The following TMEM132D variants were observed in gnomAD, a reference collection of about 807,000 sequenced individuals.
TMEM132D encodes the protein mature OL transmembrane protein.
A neutral mutation model predicts 62.3 loss-of-function variants in TMEM132D; 21 were observed. The observed-to-expected ratio is 0.34, with a 90% confidence interval of 0.24 to 0.49. The LOEUF (loss-of-function observed/expected upper bound fraction) is 0.49. Among genes scored for constraint, TMEM132D ranks in the 20% least tolerant of loss-of-function variants. The pLI, the probability that TMEM132D is intolerant of heterozygous loss-of-function variation, is 0.99. For missense variants in TMEM132D, 1,346 were observed against 1,402.8 expected (o/e 0.96, Z 0.65); for synonymous variants, 621 against 575.6 (o/e 1.08, Z -1.13).
At chr12:129,736,040 C>A (rs903107903) in intron 1 of TMEM132D, among the ~76,000 whole-genome samples, 1 of 152,218 alleles carries the variant, frequency 6.6e-6, no homozygotes, top group Non-Finnish European at 1.5e-5. Context: ...TTGCTTCCCC[C>A]TCCCTCTCCC....
intron 2 of TMEM132D, among the ~76,000 whole-genome samples, chr12:129,654,291 T>A (rs1593106787): frequency 2.3e-5 from 1 of 42,854 alleles, no homozygotes; most frequent in African/African-American, 5.9e-5. Flanking sequence ...TGTGTGTGTG[T>A]GTGTGAGTGT....
chr12:129,794,253 ATT>A (rs3046861), intron 1 of TMEM132D, among the ~76,000 whole-genome samples: 24,570 of 111,312 alleles, frequency 0.22, 2,144 homozygotes, highest in East Asian at 0.34. Flanking sequence ...CATGCCCAGC[ATT>A]TTTTTTTTTT....
intron 4 of TMEM132D, among the ~76,000 whole-genome samples, chr12:129,305,262 G>C (rs1420617309): frequency 4.7e-5 from 7 of 150,078 alleles, no homozygotes; most frequent in Non-Finnish European, 1.0e-4. Flanking sequence ...CAGAAAGCTG[G>C]AGAAAGAAAT....
intron 4 of TMEM132D, among the ~76,000 whole-genome samples, chr12:129,296,738 C>G (rs1423699948): frequency 6.6e-6 from 1 of 152,172 alleles, no homozygotes; most frequent in East Asian, 1.9e-4. Flanking sequence ...CTGAAGCCAG[C>G]AAAGGTTATG....
chr12:129,839,445 T>C (rs1354790934), intron 1 of TMEM132D, among the ~76,000 whole-genome samples: 8 of 151,620 alleles, frequency 5.3e-5, no homozygotes, highest in Non-Finnish European at 4.4e-5. Context: ...GTATTTTTAG[T>C]AGAGACAGGG....
rs540249146 is a variant in TMEM132D at position 129,651,349 on chromosome 12, A to G, written c.968+48461T>C. Reference sequence around the variant, plus strand: ...GGAATTGTATGAAAAGCATTGCACCAGTGCTTTTCAATTTATTTTTAACCT... The same window carrying G: ...GGAATTGTATGAAAAGCATTGCACCGGTGCTTTTCAATTTATTTTTAACCT... On this transcript the variant is annotated intron_variant, in intron 2 of 8. Coordinates refer to ENST00000422113, the MANE Select transcript of TMEM132D (RefSeq NM_133448.3). 6.3e-4 allele frequency among the ~76,000 whole-genome samples: 96 copies of G among 152,334 alleles called. No homozygotes were observed. The South Asian group carries it at 0.019, about 31-fold the overall frequency.
At chr12:129,588,074 T>C (rs532652464) in intron 2 of TMEM132D, among the ~76,000 whole-genome samples, 115 of 152,334 alleles carry the variant, frequency 7.5e-4, no homozygotes, top group Non-Finnish European at 1.3e-3. Flanking sequence ...TCAGACAACT[T>C]GCCTTATTAG....
intron 1 of TMEM132D, among the ~76,000 whole-genome samples, chr12:129,813,968 A>T (rs1872269859): frequency 6.6e-6 from 1 of 152,182 alleles, no homozygotes; most frequent in Non-Finnish European, 1.5e-5. Flanking sequence ...CAATGAACAG[A>T]TTTAACAAGA....
intron 1 of TMEM132D, among the ~76,000 whole-genome samples, chr12:129,725,061 GA>G (rs1868983036): frequency 6.6e-6 from 1 of 152,194 alleles, no homozygotes; most frequent in Non-Finnish European, 1.5e-5. Flanking sequence ...AGTAAGCACA[GA>G]ATCCACATTT....
At chr12:129,334,072 G>T (rs1869199911) in intron 4 of TMEM132D, among the ~76,000 whole-genome samples, 1 of 152,046 alleles carries the variant, frequency 6.6e-6, no homozygotes, top group Admixed American at 6.6e-5. Flanking sequence ...AATGAGCTGA[G>T]ATCACGCCAC....
intron 2 of TMEM132D, among the ~76,000 whole-genome samples, chr12:129,556,095 C>T (rs762320784): frequency 8.5e-5 from 13 of 152,154 alleles, no homozygotes; most frequent in Non-Finnish European, 1.6e-4. Flanking sequence ...ATGGAACAGG[C>T]CACAGGGTGC....
intron 1 of TMEM132D, among the ~76,000 whole-genome samples, chr12:129,831,995 G>A (rs1025484418): frequency 5.5e-5 from 8 of 144,884 alleles, no homozygotes; most frequent in Non-Finnish European, 1.0e-4. Context: ...TCAGCCTCCC[G>A]AGTAGCTGGG....
At chr12:129,820,941 A>G (rs988025990) in intron 1 of TMEM132D, among the ~76,000 whole-genome samples, 2 of 152,120 alleles carry the variant, frequency 1.3e-5, no homozygotes, top group African/African-American at 4.8e-5. Flanking sequence ...GGCTCAAACC[A>G]AGTGCTGATG....
At chr12:129,528,626 C>T (rs943241357) in intron 3 of TMEM132D, among the ~76,000 whole-genome samples, 1 of 152,216 alleles carries the variant, frequency 6.6e-6, no homozygotes, top group Non-Finnish European at 1.5e-5. Flanking sequence ...CAGCATTATA[C>T]ATGCAGCTAT....
chr12:129,782,404 A>ATT (rs1871144818), intron 1 of TMEM132D, among the ~76,000 whole-genome samples: 2 of 152,294 alleles, frequency 1.3e-5, no homozygotes, highest in South Asian at 4.1e-4. Flanking sequence ...ATCTTAGACA[A>ATT]GTTGATTTAC....
intron 3 of TMEM132D, among the ~76,000 whole-genome samples, chr12:129,461,767 G>A (rs1873684441): frequency 6.6e-6 from 1 of 151,874 alleles, no homozygotes; most frequent in South Asian, 2.1e-4. Context: ...ATGGACGGGC[G>A]GACTGATGGA....
intron 5 of TMEM132D, among the ~76,000 whole-genome samples, chr12:129,088,004 C>T (rs867285037): frequency 9.9e-6 from 1 of 100,554 alleles, no homozygotes; most frequent in African/African-American, 4.5e-5. Context: ...CCGGGGTGTC[C>T]TCCATGACCG....
intron 3 of TMEM132D, among the ~76,000 whole-genome samples, chr12:129,460,564 G>A (rs1476770337): frequency 1.3e-5 from 2 of 152,174 alleles, no homozygotes; most frequent in African/African-American, 2.4e-5. Context: ...CATGTGGCAT[G>A]AGACTGCAGT....
intron 2 of TMEM132D, among the ~76,000 whole-genome samples, chr12:129,595,554 C>T (rs942935259): frequency 1.3e-5 from 2 of 152,214 alleles, no homozygotes; most frequent in African/African-American, 4.8e-5. Context: ...CATCCCTTGT[C>T]TCTGACTTAG....
Sources: gnomAD v4.1 joint callset for allele counts (sites outside exome capture counted in the v4.1 genomes callset) on GRCh38, gnomAD v4.1.1 for gene constraint, MANE v1.5 for transcripts, NCBI Gene and HGNC (gene_info 2026-07-23, HGNC 2026-07-21) for gene names.